Variants in PGAP4 observed in about 807,000 individuals in gnomAD.
PGAP4 encodes GPI-N-acetylgalactosamine transferase PGAP4.
PGAP4 carries 12 observed loss-of-function variants against 28.2 expected under a neutral mutation model. That is an observed-to-expected ratio of 0.42 (90% CI 0.27 to 0.69). The LOEUF is 0.69. Ranked by LOEUF, PGAP4 falls within the 30% of genes least tolerant of loss-of-function variation. The probability of loss-of-function intolerance (pLI) is 0.22; values close to 1 mark genes in which losing one functional copy is unlikely to be tolerated. For missense variants in PGAP4, 425 were observed against 513.5 expected (o/e 0.83, Z 1.67); for synonymous variants, 205 against 211.8 (o/e 0.97, Z 0.28).
chr9:101,510,908 C>T (rs1304692519), intron 2 of PGAP4, among the ~76,000 whole-genome samples: 1 of 152,154 alleles, frequency 6.6e-6, no homozygotes, highest in African/African-American at 2.4e-5. Flanking sequence ...CCACCAGATG[C>T]AGCTTAATTG....
chr9:101,490,897 T>C (rs1826681462), upstream of PGAP4, among the ~76,000 whole-genome samples: 2 of 152,272 alleles, frequency 1.3e-5, no homozygotes, highest in African/African-American at 4.8e-5. Context: ...ATGTCTGAAT[T>C]CTCGCTATCG....
At chr9:101,528,694 C>T (rs911225081) in intron 2 of PGAP4, among the ~76,000 whole-genome samples, 5 of 151,610 alleles carry the variant, frequency 3.3e-5, no homozygotes, top group Admixed American at 1.3e-4. Context: ...CATAGAAATA[C>T]AAATGATAAA....
At chr9:101,494,295 A>G (rs1036149651) in intron 2 of PGAP4, among the ~76,000 whole-genome samples, 2 of 152,062 alleles carry the variant, frequency 1.3e-5, no homozygotes. Context: ...TGTAAATAAA[A>G]ATAAAAATAT....
chr9:101,493,073 T>C (rs1323162507), intron 2 of PGAP4, among the ~76,000 whole-genome samples: 2 of 151,486 alleles, frequency 1.3e-5, no homozygotes, highest in Admixed American at 1.3e-4. Context: ...GCCAACATGG[T>C]GAAAACCCGT....
chr9:101,512,820 A>AT lies in PGAP4; in HGVS notation c.-165+18527dup, dbSNP rs550887742. Among the ~76,000 whole-genome samples the AT allele has an allele frequency of 4.3e-3, 656 of 152,072 alleles. 6 individuals carry two copies. Among genetic ancestry groups the AT allele is most frequent in the African/African-American group, 0.015 (602 of 41,488 alleles). On this transcript the variant is annotated intron_variant, in intron 2 of 3. Transcript: ENST00000374851. ...TTTAAGGGGGAAATATTTGCATTCA[A>AT]TTTTTTTTAAAGGAGCAAAGAAAGT...
chr9:101,507,914 C>T (rs920740326), intron 2 of PGAP4, among the ~76,000 whole-genome samples: 11 of 152,114 alleles, frequency 7.2e-5, no homozygotes, highest in Non-Finnish European at 1.6e-4. Flanking sequence ...TAGCTGTGTC[C>T]AACATCTTTT....
At chr9:101,480,696 T>A (rs1826459299) in intron 1 of PGAP4, 1 of 152,208 alleles carries the variant, frequency 6.6e-6, no homozygotes, top group Non-Finnish European at 1.5e-5. Context: ...TGGGATCAGA[T>A]CCTTCATTCA....
At chr9:101,501,939 C>G (rs1390602907) in intron 2 of PGAP4, 1 of 344,054 alleles carries the variant, frequency 2.9e-6, no homozygotes, top group Non-Finnish European at 5.7e-6. Context: ...CGCCACCAGG[C>G]CCTGGGCTAA....
upstream of PGAP4, chr9:101,489,148 A>G (rs898575353): frequency 1.3e-5 from 2 of 152,164 alleles, no homozygotes; most frequent in Non-Finnish European, 2.9e-5. Context: ...CCAAAATCCA[A>G]ACTGATGAAA....
At chr9:101,531,620 T>C (rs1362732255) in intron 1 of PGAP4, 1 of 152,216 alleles carries the variant, frequency 6.6e-6, no homozygotes, top group Non-Finnish European at 1.5e-5. Context: ...GATTAAAGTG[T>C]CAATTGCTGA....
chr9:101,495,970 A>G lies in PGAP4; in HGVS notation c.-164-6770T>C, dbSNP rs891133714. Among the ~76,000 whole-genome samples the G allele has an allele frequency of 8.6e-5, 13 of 151,434 alleles. 1 individual carries two copies. Among genetic ancestry groups the G allele is most frequent in the Non-Finnish European group, 1.9e-4 (13 of 67,568 alleles). On this transcript the variant is annotated intron_variant, in intron 2 of 3. Coordinates refer to the PGAP4 transcript ENST00000374851. ...CTTGAATTTAATCAGATGCCAGAAA[A>G]GTGTGTTCAGACTCCAGAAAAGTGA... is the stretch of plus-strand genomic sequence containing the variant.
chr9:101,516,608 G>T (rs1037395273), intron 2 of PGAP4, among the ~76,000 whole-genome samples: 3 of 152,148 alleles, frequency 2.0e-5, no homozygotes, highest in African/African-American at 7.2e-5. Context: ...ATGTTGATAT[G>T]ACTTTATCTT....
At chr9:101,509,765 G>C (rs1408406385) in intron 2 of PGAP4, among the ~76,000 whole-genome samples, 1 of 152,070 alleles carries the variant, frequency 6.6e-6, no homozygotes, top group Non-Finnish European at 1.5e-5. Flanking sequence ...ACACGGTGCA[G>C]CTAGCAAGCA....
chr9:101,516,183 C>T (rs1826941889), intron 2 of PGAP4, among the ~76,000 whole-genome samples: 1 of 151,998 alleles, frequency 6.6e-6, no homozygotes, highest in African/African-American at 2.4e-5. Context: ...TATTTTACTC[C>T]TTATTGGCCA....
At chr9:101,489,914 T>C (rs1485486509), upstream of PGAP4, among the ~76,000 whole-genome samples, 1 of 152,198 alleles carries the variant, frequency 6.6e-6, no homozygotes, top group Non-Finnish European at 1.5e-5. Flanking sequence ...TAATTGAATT[T>C]GAACATATAC....
At chr9:101,526,348 T>G (rs1827036028) in intron 2 of PGAP4, among the ~76,000 whole-genome samples, 1 of 152,234 alleles carries the variant, frequency 6.6e-6, no homozygotes, top group African/African-American at 2.4e-5. Flanking sequence ...ATGTCAAAAT[T>G]TGCTGCATGG....
At chr9:101,488,770 A>G (rs868275274), upstream of PGAP4, among the ~76,000 whole-genome samples, 1 of 152,212 alleles carries the variant, frequency 6.6e-6, no homozygotes, top group African/African-American at 2.4e-5. Flanking sequence ...CACTAGCCAC[A>G]TTTGAAATGC....
intron 2 of PGAP4, among the ~76,000 whole-genome samples, chr9:101,530,230 AT>A (rs1564103767): frequency 6.6e-6 from 1 of 152,262 alleles, no homozygotes. Context: ...GACATGACTG[AT>A]GCGCAGTACT....
In PGAP4 at chr9:101,500,969, G is replaced by C. The variant is rs1214908615; in HGVS notation, c.-164-11769C>G. 3.3e-5 allele frequency among the ~76,000 whole-genome samples: 5 copies of C among 152,006 alleles called. 1 individual carries two copies. The East Asian group carries it at 9.7e-4, about 29-fold the overall frequency. ...TTCTGATTCCTTAAATTCTATTCCA[G>C]TGTATAGACTGTAAATTTCAAAAAA... On this transcript the variant is annotated intron_variant, in intron 2 of 3. Transcript: ENST00000374851.
Sources: allele counts gnomAD v4.1 joint callset (sites outside exome capture counted in the v4.1 genomes callset), GRCh38; gene constraint gnomAD v4.1.1; transcripts MANE v1.5; gene names NCBI Gene and HGNC (gene_info 2026-07-23, HGNC 2026-07-21).